Variants in CRISPLD2 observed in about 807,000 individuals in gnomAD.
CRISPLD2 encodes the protein cysteine-rich secretory protein LCCL domain-containing 2.
CRISPLD2 carries 47 observed loss-of-function variants against 71.1 expected under a neutral mutation model. That is an observed-to-expected ratio of 0.66 (90% confidence interval 0.52 to 0.84). The LOEUF (loss-of-function observed/expected upper bound fraction) is 0.84, where lower values mean the gene tolerates loss of function less well. CRISPLD2 is among the 40% of genes least tolerant of loss of function. The pLI is 0.00. For missense variants in CRISPLD2, 830 were observed against 651.1 expected, an observed-to-expected ratio of 1.27 and a Z score of -2.99; for synonymous variants, 317 against 250.1, an observed-to-expected ratio of 1.27 and a Z score of -2.52.
intron 1 of CRISPLD2, among the ~76,000 whole-genome samples, chr16:84,826,447 G>T (rs1267483471): frequency 6.6e-6 from 1 of 152,198 alleles, no homozygotes; most frequent in African/African-American, 2.4e-5. Context: ...TATGTGCCTG[G>T]GAAGAGCCAG....
intron 9 of CRISPLD2, 67 bp downstream of exon 9, chr16:84,872,575 G>T (rs990186627): frequency 8.7e-6 from 12 of 1,374,422 alleles, no homozygotes; most frequent in East Asian, 2.4e-5. Flanking sequence ...TAAAGCAGGT[G>T]GTTGGCTTTA....
intron 13 of CRISPLD2, among the ~76,000 whole-genome samples, chr16:84,887,945 C>T (rs1038613212): frequency 3.3e-5 from 5 of 152,182 alleles, no homozygotes; most frequent in African/African-American, 1.2e-4. Flanking sequence ...TAAATCAGAT[C>T]GCTAGATCCA....
At chr16:84,898,612 A>C (rs886956568) in intron 14 of CRISPLD2, among the ~76,000 whole-genome samples, 3 of 152,114 alleles carry the variant, frequency 2.0e-5, no homozygotes, top group African/African-American at 7.2e-5. Context: ...CCCCTGACTC[A>C]TCACCTTCTG....
In CRISPLD2 at chr16:84,880,623, C is replaced by G. The variant is rs1388202686; in HGVS notation, c.1305+39C>G. On this transcript the variant is annotated intron_variant, in intron 13 of 14. Transcript: ENST00000262424. ...ATTTTCAACAACTATCTCGCAAAGC[C>G]TGTTAAAGACCTCAACATGCAAGCT... The G allele has an allele frequency of 2.0e-6, 3 of 1,530,952 alleles. No individual in the cohort carries two copies. In the South Asian group the frequency reaches 3.4e-5, roughly 17 times the overall value. The allele number at this position is 1,530,952 out of a possible 1,614,324, so 94.8% of individuals were successfully genotyped here.
chr16:84,879,980 C>G (rs1049494564), intron 12 of CRISPLD2, among the ~76,000 whole-genome samples: 1 of 152,184 alleles, frequency 6.6e-6, no homozygotes, highest in Admixed American at 6.5e-5. Flanking sequence ...TTTCCTCATG[C>G]CCTGGAGGAT....
chr16:84,824,196 C>T (rs1189792755), intron 1 of CRISPLD2, among the ~76,000 whole-genome samples: 1 of 152,104 alleles, frequency 6.6e-6, no homozygotes, highest in African/African-American at 2.4e-5. Flanking sequence ...TGGAGAAGGG[C>T]CTGGGACTCT....
intron 4 of CRISPLD2, 62 bp downstream of exon 4, chr16:84,849,579 C>G: frequency 4.7e-6 from 7 of 1,493,896 alleles, no homozygotes; most frequent in Non-Finnish European, 5.5e-6. Context: ...TCACCCCCTG[C>G]CCCTGGGGGA....
intron 11 of CRISPLD2, among the ~76,000 whole-genome samples, chr16:84,875,541 TTTTTTTATTTTA>T (rs2071510922): frequency 6.6e-6 from 1 of 151,064 alleles, no homozygotes. Flanking sequence ...ACACCCTTGC[TTTTTTTATTTTA>T]TTTTTTATTT....
chr16:84,861,477 C>A (rs1917379231), intron 6 of CRISPLD2, among the ~76,000 whole-genome samples: 3 of 152,172 alleles, frequency 2.0e-5, no homozygotes, highest in Admixed American at 2.0e-4. Flanking sequence ...CAGGAAGCAT[C>A]CAGCATGGGA....
chr16:84,833,829 G>A (rs1009309693), intron 1 of CRISPLD2, among the ~76,000 whole-genome samples: 4 of 152,208 alleles, frequency 2.6e-5, no homozygotes, highest in Admixed American at 2.0e-4. Flanking sequence ...GAGGCACCAC[G>A]TGACCCGGGA....
chr16:84,861,437 C>T (rs1300629692), intron 6 of CRISPLD2, among the ~76,000 whole-genome samples: 2 of 152,164 alleles, frequency 1.3e-5, no homozygotes, highest in Non-Finnish European at 2.9e-5. Context: ...AGTCCCAAAG[C>T]TAAAGAACTT....
chr16:84,873,899 T>C, intron 10 of CRISPLD2, 21 bp from the exon 11 acceptor site: 3 of 1,527,670 alleles, frequency 2.0e-6, no homozygotes, highest in Non-Finnish European at 2.6e-6. Context: ...GCCCGTTTTT[T>C]TTTTTTTTTT....
At chr16:84,853,508 C>G (rs1049927730) in intron 5 of CRISPLD2, among the ~76,000 whole-genome samples, 1 of 152,228 alleles carries the variant, frequency 6.6e-6, no homozygotes, top group African/African-American at 2.4e-5. Context: ...CCTCCCCACA[C>G]TGCACGGCCC....
At chr16:84,881,902 C>G (rs143970973) in intron 13 of CRISPLD2, among the ~76,000 whole-genome samples, 30 of 152,308 alleles carry the variant, frequency 2.0e-4, no homozygotes, top group Non-Finnish European at 3.5e-4. Context: ...TATGAGGTCA[C>G]TGGGCTCTGT....
chr16:84,834,796 C>T (rs1916575185), intron 1 of CRISPLD2, among the ~76,000 whole-genome samples: 1 of 152,074 alleles, frequency 6.6e-6, no homozygotes, highest in African/African-American at 2.4e-5. Context: ...GCGTCTTCTC[C>T]CTGTGTCCTC....
At position 84,909,059 on chromosome 16, in the gene CRISPLD2, A is replaced by G. The variant is rs1017233110; in HGVS notation, c.*2417A>G. On this transcript the variant is annotated 3_prime_UTR_variant, in exon 15 of 15. Transcript: ENST00000262424. ...GAATATTTGTCTTCAGAAAATGGAA[A>G]CAAGACTATAAATGATAAGCCCTGT... 6.6e-6 allele frequency: 1 copy of G among 152,282 alleles called. No individual in the cohort carries two copies. Among genetic ancestry groups the G allele is most frequent in the African/African-American group, 2.4e-5 (1 of 41,432 alleles). The allele number at this position is 152,282 out of a possible 1,614,324, so 9.4% of individuals were successfully genotyped here.
chr16:84,823,972 A>AT (rs1300698861), intron 1 of CRISPLD2, among the ~76,000 whole-genome samples: 24 of 152,102 alleles, frequency 1.6e-4, no homozygotes, highest in Admixed American at 1.6e-3. Flanking sequence ...TACCCCAAAT[A>AT]TTTTTTGAAT....
chr16:84,895,778 G>A (rs1257297225), intron 14 of CRISPLD2, among the ~76,000 whole-genome samples: 2 of 152,138 alleles, frequency 1.3e-5, no homozygotes, highest in South Asian at 4.1e-4. Flanking sequence ...GGCATTTGTA[G>A]CTCCCGGCTA....
intron 13 of CRISPLD2, among the ~76,000 whole-genome samples, chr16:84,888,255 C>T (rs561235607): frequency 1.2e-4 from 18 of 152,298 alleles, no homozygotes; most frequent in East Asian, 1.9e-4. Context: ...ACAATTGGGC[C>T]GAGTGCAGTG....
Sources: allele counts gnomAD v4.1 joint callset (sites outside exome capture counted in the v4.1 genomes callset), GRCh38; gene constraint gnomAD v4.1.1; transcripts MANE v1.5; gene names NCBI Gene and HGNC (gene_info 2026-07-23, HGNC 2026-07-21).